The following TAMM41 variants were observed in gnomAD, a reference collection of about 807,000 sequenced individuals.
TAMM41 encodes TAM41 mitochondrial translocator assembly and maintenance homolog.
TAMM41 carries 36 observed loss-of-function variants against 44.1 expected under a neutral mutation model. The observed-to-expected ratio is 0.82, with a 90% confidence interval of 0.63 to 1.08. TAMM41 has a LOEUF of 1.08. Ranked by LOEUF, TAMM41 falls within the 50% of genes least tolerant of loss-of-function variation. The probability of loss-of-function intolerance (pLI) is 0.00; values close to 1 mark genes in which losing one functional copy is unlikely to be tolerated. For synonymous variants in TAMM41, 164 were observed against 153.1 expected (o/e 1.07, Z -0.53); for missense variants, 417 against 404.3 (o/e 1.03, Z -0.27).
In TAMM41 at chr3:11,828,216, A is replaced by G. The variant is rs73813060; in HGVS notation, c.562+1498T>C. Among the ~76,000 whole-genome samples the G allele has an allele frequency of 3.4e-3, 521 of 152,310 alleles. 1 individual carries two copies. The highest frequency in any genetic ancestry group is 0.024 in the Middle Eastern group (7 of 294). ...GGTCTCATACCTATGAAAGAGATCT[A>G]CCTACAGAGCCTATGTCATTTTCTA... On this transcript the variant is annotated intron_variant, in intron 4 of 7. Transcript: ENST00000455809.
the TAMM41 span, among the ~76,000 whole-genome samples, chr3:11,781,340 T>C: frequency 6.6e-6 from 1 of 152,300 alleles, no homozygotes; most frequent in East Asian, 1.9e-4. Context: ...TTGTTCTTCC[T>C]GATCTCAGAA....
At position 11,831,911 on chromosome 3, in the gene TAMM41, C is replaced by T. The variant is rs919150115; in HGVS notation, c.412-2047G>A. ...TTACAATTCTGAGGACTTAATGGACCTTAATTAAGCCTTTCAGCACTTAGG... is the reference window on the plus strand; with the variant it reads ...TTACAATTCTGAGGACTTAATGGACTTTAATTAAGCCTTTCAGCACTTAGG... On this transcript the variant is annotated intron_variant, in intron 3 of 7. Coordinates refer to ENST00000455809, the MANE Select transcript of TAMM41 (RefSeq NM_001284401.2). Among the ~76,000 whole-genome samples the T allele has an allele frequency of 2.6e-5, 4 of 152,026 alleles. 1 individual carries two copies. The highest frequency in any genetic ancestry group is 9.7e-5 in the African/African-American group (4 of 41,386).
downstream of TAMM41, among the ~76,000 whole-genome samples, chr3:11,787,795 G>T (rs2077425792): frequency 6.6e-6 from 1 of 151,984 alleles, no homozygotes; most frequent in Admixed American, 6.5e-5. Context: ...CAGCTGGAAA[G>T]AGTTGAGAAC....
At chr3:11,758,238 G>C in the TAMM41 span, among the ~76,000 whole-genome samples, 1 of 152,356 alleles carries the variant, frequency 6.6e-6, no homozygotes, top group African/African-American at 2.4e-5. Context: ...GCTGGAGGCC[G>C]AAGTGAGCTG....
At chr3:11,806,417 AAACAAGAAT>A (rs1482481858) in intron 7 of TAMM41, among the ~76,000 whole-genome samples, 1 of 152,230 alleles carries the variant, frequency 6.6e-6, no homozygotes, top group Admixed American at 6.5e-5. Context: ...TTAGGCCATA[AAACAAGAAT>A]AGGATGCAAA....
chr3:11,829,648 G>C, intron 4 of TAMM41, 66 bp downstream of exon 4: 1 of 1,569,608 alleles, frequency 6.4e-7, no homozygotes, highest in Non-Finnish European at 8.7e-7. Flanking sequence ...AGTGAGAACA[G>C]GATATCCGCA....
At chr3:11,839,407 AC>A in intron 2 of TAMM41, 93 bp from the exon 3 acceptor site, 3 of 812,626 alleles carry the variant, frequency 3.7e-6, no homozygotes, top group Non-Finnish European at 5.8e-6. Flanking sequence ...AAAATTCTTG[AC>A]CAGAGCAGTA....
intron 5 of TAMM41, among the ~76,000 whole-genome samples, chr3:11,816,109 G>C (rs2078266853): frequency 6.6e-6 from 1 of 150,848 alleles, no homozygotes; most frequent in Non-Finnish European, 1.5e-5. Context: ...TCCCTTTTTA[G>C]CTCTAGAAAT....
At chr3:11,815,992 G>A (rs2078262605) in intron 5 of TAMM41, among the ~76,000 whole-genome samples, 1 of 152,152 alleles carries the variant, frequency 6.6e-6, no homozygotes, top group Non-Finnish European at 1.5e-5. Flanking sequence ...ACCTCAACCT[G>A]AACCAAATGT....
At chr3:11,789,339 C>T (rs151026832), downstream of TAMM41, among the ~76,000 whole-genome samples, 791 of 152,240 alleles carry the variant, frequency 5.2e-3, 8 homozygotes, top group African/African-American at 0.018. Flanking sequence ...AGAGAGCCTA[C>T]GGGTCTGCAC....
At chr3:11,770,483 G>T in the TAMM41 span, among the ~76,000 whole-genome samples, 2 of 152,200 alleles carry the variant, frequency 1.3e-5, no homozygotes, top group African/African-American at 2.4e-5. Flanking sequence ...AGGTCGACTT[G>T]CAAGCATTTT....
the TAMM41 span, among the ~76,000 whole-genome samples, chr3:11,733,243 C>A: frequency 1.3e-5 from 2 of 152,150 alleles, no homozygotes; most frequent in East Asian, 3.9e-4. Flanking sequence ...AAATGATCTG[C>A]CCACCTTGGC....
the TAMM41 span, among the ~76,000 whole-genome samples, chr3:11,735,843 G>C: frequency 6.6e-6 from 1 of 152,088 alleles, no homozygotes; most frequent in African/African-American, 2.4e-5. Flanking sequence ...AGGCGAGGGC[G>C]CAGCAGGTGC....
chr3:11,736,519 A>G, the TAMM41 span, among the ~76,000 whole-genome samples: 1 of 152,212 alleles, frequency 6.6e-6, no homozygotes, highest in South Asian at 2.1e-4. Context: ...GGTTTCTGTT[A>G]GGTTACCTTG....
chr3:11,826,039 A>C (rs752848195), intron 4 of TAMM41, among the ~76,000 whole-genome samples: 5 of 152,174 alleles, frequency 3.3e-5, no homozygotes, highest in Admixed American at 2.0e-4. Flanking sequence ...TTCCCAACGA[A>C]AGTAATCTGT....
the TAMM41 span, among the ~76,000 whole-genome samples, chr3:11,772,963 C>T: frequency 6.6e-6 from 1 of 151,742 alleles, no homozygotes; most frequent in Admixed American, 6.6e-5. Context: ...CTTTCTTTCT[C>T]TCTCTTTTTT....
Position 11,807,828 on chromosome 3 carries a change from C to CT in TAMM41, c.937+4dup. 1 of 1,536,160 alleles carries CT rather than the reference C, an allele frequency of 6.5e-7. No homozygotes were observed. Among genetic ancestry groups the CT allele is most frequent in the Non-Finnish European group, 8.7e-7 (1 of 1,146,930 alleles). ...ATGTTACACACGGATTTCCAAAGCT[C>CT]TTACCAGCAGTAAAAATGCCTTTCG... On this transcript the variant is annotated splice_donor_region_variant and intron_variant, in intron 7 of 7. Transcript: ENST00000455809.
chr3:11,838,268 G>T (rs1200587007), intron 3 of TAMM41, among the ~76,000 whole-genome samples: 1 of 152,236 alleles, frequency 6.6e-6, no homozygotes, highest in Non-Finnish European at 1.5e-5. Context: ...AGGCTGGGGT[G>T]CGGTGGTGTG....
At chr3:11,840,132 C>T (rs1433962549) in intron 2 of TAMM41, among the ~76,000 whole-genome samples, 1 of 152,140 alleles carries the variant, frequency 6.6e-6, no homozygotes, top group Non-Finnish European at 1.5e-5. Context: ...GTTCACCAAA[C>T]TATCCTTCAA....
Sources: allele counts gnomAD v4.1 joint callset (sites outside exome capture counted in the v4.1 genomes callset), GRCh38; gene constraint gnomAD v4.1.1; transcripts MANE v1.5; gene names NCBI Gene and HGNC (gene_info 2026-07-23, HGNC 2026-07-21).